MALRD1: variants seen among roughly 807,000 people sequenced by gnomAD.
The protein encoded by MALRD1 is MAM and LDL receptor class A domain containing 1, also known as MAM and LDL-receptor class A domain-containing protein 1.
A neutral mutation model predicts 242.1 loss-of-function variants in MALRD1; 247 were observed. The observed-to-expected ratio is 1.02, with a 90% CI of 0.92 to 1.13. The LOEUF (loss-of-function observed/expected upper bound fraction) is 1.13. Ranked by LOEUF, MALRD1 falls within the 50% of genes most tolerant of loss-of-function variation. The probability of loss-of-function intolerance (pLI) is 0.00; values close to 1 mark genes in which losing one functional copy is unlikely to be tolerated. For missense variants in MALRD1, 2,989 were observed against 2,533.1 expected (o/e 1.18, Z -3.86); for synonymous variants, 995 against 866.6 (o/e 1.15, Z -2.60).
chr10:19,505,707 C>A (rs1833089974), intron 31 of MALRD1, among the ~76,000 whole-genome samples: 1 of 152,204 alleles, frequency 6.6e-6, no homozygotes. Context: ...ATTGGCCCTG[C>A]TTCTCACATT....
intron 21 of MALRD1, among the ~76,000 whole-genome samples, chr10:19,313,572 C>A (rs1362998735): frequency 1.3e-5 from 2 of 151,336 alleles, no homozygotes; most frequent in Non-Finnish European, 3.0e-5. Context: ...CCAATTTGAT[C>A]TTTACAAATT....
At chr10:19,143,980 C>A (rs1833637479) in intron 10 of MALRD1, among the ~76,000 whole-genome samples, 1 of 152,100 alleles carries the variant, frequency 6.6e-6, no homozygotes, top group Non-Finnish European at 1.5e-5. Context: ...GAGCCATATC[C>A]TATAAATTAT....
At chr10:19,594,138 G>T (rs1837955761) in intron 33 of MALRD1, among the ~76,000 whole-genome samples, 1 of 152,172 alleles carries the variant, frequency 6.6e-6, no homozygotes, top group Admixed American at 6.5e-5. Context: ...CTTAAACTGG[G>T]AGTGCATCTT....
chr10:19,245,150 T>C (rs995772643), intron 18 of MALRD1, among the ~76,000 whole-genome samples: 30 of 152,186 alleles, frequency 2.0e-4, no homozygotes, highest in Admixed American at 1.6e-3. Context: ...AATGTTGTCA[T>C]TGAAGAAGTC....
chr10:19,271,452 C>G (rs771791990), intron 19 of MALRD1, among the ~76,000 whole-genome samples: 5 of 152,128 alleles, frequency 3.3e-5, no homozygotes, highest in African/African-American at 4.8e-5. Context: ...TTACTATATT[C>G]TGTCACTATT....
intron 29 of MALRD1, among the ~76,000 whole-genome samples, chr10:19,452,012 A>T (rs1338274929): frequency 1.3e-5 from 2 of 152,326 alleles, no homozygotes; most frequent in Admixed American, 6.5e-5. Flanking sequence ...GGAATCTTAG[A>T]CATGAGAATA....
chr10:19,101,861 G>A (rs184063122), intron 4 of MALRD1, among the ~76,000 whole-genome samples: 3,526 of 133,720 alleles, frequency 0.026, 138 homozygotes, highest in African/African-American at 0.091. Context: ...TATCTATAAC[G>A]TATTTGTATA....
chr10:19,424,764 C>G (rs188175950), intron 28 of MALRD1, among the ~76,000 whole-genome samples: 2 of 151,508 alleles, frequency 1.3e-5, no homozygotes, highest in African/African-American at 2.4e-5. Flanking sequence ...TTTTTTTTCT[C>G]TAAGTCTTGA....
chr10:19,301,221 C>G (rs1841939722), intron 21 of MALRD1, among the ~76,000 whole-genome samples: 2 of 151,786 alleles, frequency 1.3e-5, no homozygotes, highest in Non-Finnish European at 2.9e-5. Flanking sequence ...CACAGGCTGA[C>G]GAGGTTAGGG....
chr10:19,087,391 A>C (rs1835705139), intron 2 of MALRD1, among the ~76,000 whole-genome samples: 1 of 152,042 alleles, frequency 6.6e-6, no homozygotes, highest in Non-Finnish European at 1.5e-5. Flanking sequence ...AGGAAGTAAA[A>C]ATATCAGATG....
chr10:19,106,312 T>C (rs1836461268), intron 5 of MALRD1, among the ~76,000 whole-genome samples: 1 of 151,886 alleles, frequency 6.6e-6, no homozygotes. Context: ...TTCTGGGTTG[T>C]TCTTTGGTGG....
At chr10:19,461,369 G>C (rs935933410) in intron 29 of MALRD1, among the ~76,000 whole-genome samples, 3 of 152,058 alleles carry the variant, frequency 2.0e-5, no homozygotes, top group Admixed American at 6.5e-5. Context: ...TTTTCCACTA[G>C]GTTACTTTTT....
intron 2 of MALRD1, among the ~76,000 whole-genome samples, chr10:19,086,016 A>G (rs922282008): frequency 7.9e-5 from 12 of 152,038 alleles, no homozygotes; most frequent in Admixed American, 1.3e-4. Flanking sequence ...TACCTGCTGC[A>G]AGAGCCAACT....
chr10:19,592,700 G>C (rs1356372909), intron 33 of MALRD1, among the ~76,000 whole-genome samples: 1 of 149,190 alleles, frequency 6.7e-6, no homozygotes, highest in Admixed American at 6.7e-5. Context: ...TTTTATTTTT[G>C]CATATCCACT....
At chr10:19,105,769 C>T (rs889319897) in intron 5 of MALRD1, among the ~76,000 whole-genome samples, 9 of 151,724 alleles carry the variant, frequency 5.9e-5, no homozygotes, top group South Asian at 2.1e-4. Context: ...TTTGCATTTC[C>T]CTGAGGATGA....
At chr10:19,214,316 C>G (rs1837205615) in intron 18 of MALRD1, among the ~76,000 whole-genome samples, 1 of 152,180 alleles carries the variant, frequency 6.6e-6, no homozygotes, top group African/African-American at 2.4e-5. Flanking sequence ...AGTTGATAGG[C>G]TCACCTTGTT....
At chr10:19,687,928 GTTATGTTATGTTATGTTATGTT>G (rs1265910790) in intron 36 of MALRD1, among the ~76,000 whole-genome samples, 3 of 105,850 alleles carry the variant, frequency 2.8e-5, no homozygotes, top group Non-Finnish European at 6.5e-5. Flanking sequence ...GTTATGTTAT[GTTATGTTATGTTATGTTATGTT>G]ATGTTATGTT....
chr10:19,415,148 C>G (rs150470582), intron 28 of MALRD1, among the ~76,000 whole-genome samples: 1 of 152,110 alleles, frequency 6.6e-6, no homozygotes, highest in African/African-American at 2.4e-5. Context: ...AACTATAATT[C>G]AATACATAGG....
intron 24 of MALRD1, among the ~76,000 whole-genome samples, chr10:19,346,423 T>C (rs1167010672): frequency 6.6e-6 from 1 of 152,134 alleles, no homozygotes; most frequent in African/African-American, 2.4e-5. Flanking sequence ...TTTTGAACAA[T>C]TGTGTAAATG....
Sources: gnomAD v4.1 joint callset for allele counts (sites outside exome capture counted in the v4.1 genomes callset) on GRCh38, gnomAD v4.1.1 for gene constraint, MANE v1.5 for transcripts, NCBI Gene and HGNC (gene_info 2026-07-23, HGNC 2026-07-21) for gene names.